Variants in PCDHGA5 observed in about 807,000 individuals in gnomAD.
PCDHGA5 encodes the protein protocadherin gamma subfamily A, 5, also known as protocadherin gamma-A5.
Under a neutral mutation model 56.7 loss-of-function variants are expected in PCDHGA5, and 36 were observed. The observed-to-expected ratio is 0.64, with a 90% confidence interval of 0.49 to 0.84. The LOEUF (loss-of-function observed/expected upper bound fraction) is 0.84, where lower values mean the gene tolerates loss of function less well. Ranked by LOEUF, PCDHGA5 falls within the 40% of genes least tolerant of loss-of-function variation. The probability of loss-of-function intolerance (pLI) is 0.00; values close to 1 mark genes in which losing one functional copy is unlikely to be tolerated. For missense variants in PCDHGA5, 1,305 were observed against 1,201.5 expected (o/e 1.09, Z -1.27); for synonymous variants, 563 against 520.2 (o/e 1.08, Z -1.12).
intron 3 of PCDHGA5, among the ~76,000 whole-genome samples, chr5:141,507,645 G>A (rs565235954): frequency 6.6e-6 from 1 of 152,382 alleles, no homozygotes; most frequent in South Asian, 2.1e-4. Flanking sequence ...CTGAGGCCAG[G>A]AAGCAGCTTT....
intron 1 of PCDHGA5, chr5:141,410,562 C>A (rs748563687): frequency 1.9e-6 from 3 of 1,612,718 alleles, no homozygotes; most frequent in Non-Finnish European, 2.5e-6. Context: ...TCTCCTGGAG[C>A]CTTAATTCCA....
At chr5:141,378,535 T>G (rs1235721694) in intron 1 of PCDHGA5, 6 of 152,092 alleles carry the variant, frequency 3.9e-5, no homozygotes, top group Admixed American at 3.9e-4. Flanking sequence ...AAAATAATAA[T>G]GATAATTAAT....
intron 1 of PCDHGA5, among the ~76,000 whole-genome samples, chr5:141,481,037 G>A (rs1438691746): frequency 2.0e-5 from 3 of 152,050 alleles, no homozygotes; most frequent in East Asian, 3.9e-4. Context: ...CAGCCTGGGC[G>A]ACAGAGCGAG....
At chr5:141,437,463 AC>A (rs2097887109) in intron 1 of PCDHGA5, among the ~76,000 whole-genome samples, 1 of 152,184 alleles carries the variant, frequency 6.6e-6, no homozygotes, top group Non-Finnish European at 1.5e-5. Flanking sequence ...ACTATACTAT[AC>A]TTTTATAGCA....
In PCDHGA5 at chr5:141,378,672, A is replaced by T. The variant is rs367846333; in HGVS notation, c.2421+11921A>T. ...GTTAATGAGGTTCAAATAAAAATTTAAATATTTTAGCATTTTAACCCAGAC... is the reference window on the plus strand; with the variant it reads ...GTTAATGAGGTTCAAATAAAAATTTTAATATTTTAGCATTTTAACCCAGAC... On this transcript the variant is annotated intron_variant, in intron 1 of 3. Coordinates refer to ENST00000518069, the MANE Select transcript of PCDHGA5 (RefSeq NM_018918.3). The T allele has an allele frequency of 1.8e-4, 28 of 152,392 alleles. 3 individuals are homozygous for T. Among genetic ancestry groups the T allele is most frequent in the Admixed American group, 1.5e-3 (23 of 15,312 alleles). 9.4% of individuals were successfully genotyped at this position (152,392 alleles called of 1,614,324 possible). A position where few individuals can be genotyped will look rare whatever the true frequency, so the allele number is the denominator to read the frequency against.
At chr5:141,414,090 A>C (rs2095707874) in intron 1 of PCDHGA5, 4 of 1,598,352 alleles carry the variant, frequency 2.5e-6, no homozygotes, top group Non-Finnish European at 3.4e-6. Context: ...CTGGAGAAAT[A>C]AAAATATCAG....
At chr5:141,378,986 C>T (rs1369970851) in intron 1 of PCDHGA5, 2 of 152,156 alleles carry the variant, frequency 1.3e-5, no homozygotes, top group African/African-American at 4.8e-5. Flanking sequence ...TGTTGAACTA[C>T]ATTATAGTCA....
rs556484142 is a variant in PCDHGA5 at position 141,503,243 on chromosome 5, CA to C, written c.2481-2149del. On this transcript the variant is annotated intron_variant, in intron 2 of 3. Coordinates refer to ENST00000518069, the MANE Select transcript of PCDHGA5 (RefSeq NM_018918.3). ...CACCGTAAAGATGGACAGTTTCTAT[CA>C]TACTCACAGCCACAACCCCAGCACC... Among the ~76,000 whole-genome samples, 232 of 152,196 alleles carry C rather than the reference CA, an allele frequency of 1.5e-3. 2 individuals carry two copies. Among genetic ancestry groups the C allele is most frequent in the African/African-American group, 5.3e-3 (219 of 41,516 alleles).
At chr5:141,419,053 T>C in intron 1 of PCDHGA5, 1 of 1,613,954 alleles carries the variant, frequency 6.2e-7, no homozygotes, top group South Asian at 1.1e-5. Context: ...ATTCTTCTTC[T>C]AATAATTACT....
chr5:141,394,397 G>A, intron 1 of PCDHGA5: 1 of 1,614,212 alleles, frequency 6.2e-7, no homozygotes, highest in Non-Finnish European at 8.5e-7. Flanking sequence ...TCCGAGACCT[G>A]CAGCTACTGG....
chr5:141,402,684 A>G (rs2094294341), intron 1 of PCDHGA5, among the ~76,000 whole-genome samples: 1 of 152,144 alleles, frequency 6.6e-6, no homozygotes, highest in African/African-American at 2.4e-5. Context: ...ATCTGATATA[A>G]TGTTACACAT....
Position 141,487,642 on chromosome 5 carries a change from G to A in PCDHGA5, c.2422-7165G>A, listed in dbSNP as rs747328649. 1.2e-6 allele frequency: 2 copies of A among 1,614,130 alleles called. No individual in the cohort carries two copies. The highest frequency in any genetic ancestry group is 1.3e-5 in the African/African-American group (1 of 75,062). On this transcript the variant is annotated intron_variant, in intron 1 of 3. Transcript: ENST00000518069. This position sits in a 1 kb window ranked among gnomAD's most constrained non-coding sequence, Gnocchi z 5.0. ...TGAGACCTTTGCAGGCTCAACAAAT[G>A]CTTGAGGGTTATTCTGATCCAGGCA...
At chr5:141,396,954 C>G (rs2093459266) in intron 1 of PCDHGA5, among the ~76,000 whole-genome samples, 1 of 152,172 alleles carries the variant, frequency 6.6e-6, no homozygotes. Flanking sequence ...GAAAGAAAAT[C>G]CTTACTCTCC....
At chr5:141,413,870 T>A (rs2095687151) in intron 1 of PCDHGA5, 1 of 1,613,268 alleles carries the variant, frequency 6.2e-7, no homozygotes, top group Admixed American at 1.7e-5. Context: ...ACTGTCCTTG[T>A]CAGTGTGACT....
intron 1 of PCDHGA5, chr5:141,388,282 T>A: frequency 6.2e-7 from 1 of 1,613,222 alleles, no homozygotes; most frequent in South Asian, 1.1e-5. Context: ...ACGCCAAAAT[T>A]CACGCAAAAT....
intron 1 of PCDHGA5, among the ~76,000 whole-genome samples, chr5:141,405,825 A>G (rs184785482): frequency 1.1e-3 from 172 of 152,272 alleles, no homozygotes; most frequent in Non-Finnish European, 1.9e-3. Context: ...TCTGTACTTA[A>G]GGTAGTATAA....
At chr5:141,379,660 C>T (rs922191885) in intron 1 of PCDHGA5, 1 of 152,100 alleles carries the variant, frequency 6.6e-6, no homozygotes, top group African/African-American at 2.4e-5. Flanking sequence ...CTTCTACTCT[C>T]ACAAAAGTCA....
intron 1 of PCDHGA5, among the ~76,000 whole-genome samples, chr5:141,454,796 A>ATTTTTTTTTTTTTTTTTTTTTT (rs61612330): frequency 5.2e-5 from 4 of 77,456 alleles, no homozygotes; most frequent in Non-Finnish European, 7.0e-5. Context: ...CATGGTTCTA[A>ATTTTTTTTTTTTTTTTTTTTTT]TTTTTTTTTT....
At chr5:141,458,434 G>T (rs535464730) in intron 1 of PCDHGA5, among the ~76,000 whole-genome samples, 1 of 152,198 alleles carries the variant, frequency 6.6e-6, no homozygotes, top group African/African-American at 2.4e-5. Context: ...GAAAGAGGAG[G>T]TCCCCCACAT....
Sources: gnomAD v4.1 joint callset for allele counts (sites outside exome capture counted in the v4.1 genomes callset) on GRCh38, gnomAD v4.1.1 for gene constraint, Gnocchi (gnomAD v3.1) non-coding constraint, MANE v1.5 for transcripts, NCBI Gene and HGNC (gene_info 2026-07-23, HGNC 2026-07-21) for gene names.